ADAMTS9: variants seen among roughly 807,000 people sequenced by gnomAD.
ADAMTS9 encodes A disintegrin and metalloproteinase with thrombospondin motifs 9.
Under a neutral mutation model 257.1 loss-of-function variants are expected in ADAMTS9, and 107 were observed. That is an observed-to-expected ratio of 0.42 (90% CI 0.36 to 0.49). The LOEUF (loss-of-function observed/expected upper bound fraction) is 0.49, where lower values mean the gene tolerates loss of function less well. Among genes scored for constraint, ADAMTS9 ranks in the 20% least tolerant of loss-of-function variants. ADAMTS9 has a pLI of 0.03. For synonymous variants in ADAMTS9, 982 were observed against 880.9 expected, an observed-to-expected ratio of 1.11 and a Z score of -2.03; for missense variants, 2,353 against 2,469.1, an observed-to-expected ratio of 0.95 and a Z score of 1.00.
chr3:64,663,445 T>G (rs1191719242), intron 3 of ADAMTS9, among the ~76,000 whole-genome samples: 1 of 126,008 alleles, frequency 7.9e-6, no homozygotes, highest in East Asian at 2.2e-4. Context: ...TTTTTTTTTT[T>G]GACCACTAAG....
At chr3:64,591,037 T>A (rs1406094626) in intron 28 of ADAMTS9, among the ~76,000 whole-genome samples, 1 of 152,198 alleles carries the variant, frequency 6.6e-6, no homozygotes, top group Non-Finnish European at 1.5e-5. Context: ...TTCGATAGTA[T>A]AGAGGTCTCT....
intron 39 of ADAMTS9, among the ~76,000 whole-genome samples, chr3:64,521,042 A>G (rs893236945): frequency 1.2e-4 from 19 of 152,312 alleles, no homozygotes; most frequent in Admixed American, 2.6e-4. Context: ...TTTTTAACCT[A>G]TACATTTGAT....
rs140269259 is a variant in ADAMTS9 at position 64,546,757 on chromosome 3, C to A, written c.5064+1G>T. 1.3e-6 allele frequency: 2 copies of A among 1,594,290 alleles called. No individual in the cohort carries two copies. The highest frequency in any genetic ancestry group is 1.7e-6 in the Non-Finnish European group (2 of 1,171,320). On this transcript the variant is annotated splice_donor_variant, in intron 32 of 39. Coordinates refer to ENST00000498707, the MANE Select transcript of ADAMTS9 (RefSeq NM_182920.2). LOFTEE classifies it high-confidence loss of function. Reference sequence around the variant, plus strand: ...ATTTGAGTGCTCAGTCTTCTACTTACGCTCCCCCAGTTGCCAACTCTCCAG... The same window carrying A: ...ATTTGAGTGCTCAGTCTTCTACTTAAGCTCCCCCAGTTGCCAACTCTCCAG...
rs1186435457 is a variant in ADAMTS9, at chr3:64,607,031, T to G, written c.3403A>C (p.Ile1135Leu). 1 of 1,613,816 alleles carries G rather than the reference T, an allele frequency of 6.2e-7. No homozygotes were observed. The highest frequency in any genetic ancestry group is 8.5e-7 in the Non-Finnish European group (1 of 1,179,856). Residue 1135 changes from isoleucine (I) to leucine (L), a missense_variant, in exon 23 of 40, where the codon ATC (isoleucine) becomes CTC (leucine). Physicochemically the swap from Ile to Leu is conservative, Grantham distance 5 (BLOSUM62 2). This residue lies in a region of ADAMTS9 where 1,402 missense variants were observed against 1,441.4 expected (regional missense o/e 0.97). Transcript: ENST00000498707. ...ACCACTGACATATAAGTCCCAATGA[T>G]GCATTTCACTGCTCTTAGCTGGTAT... Reference protein sequence around the residue: ...QGYQLRAVKCIIGTYMSVVDD... With the variant: ...QGYQLRAVKCLIGTYMSVVDD...
intron 28 of ADAMTS9, among the ~76,000 whole-genome samples, chr3:64,590,840 T>A (rs2084245892): frequency 6.6e-6 from 1 of 152,106 alleles, no homozygotes; most frequent in Non-Finnish European, 1.5e-5. Flanking sequence ...GAACAAGCAA[T>A]TTCTCCTAAG....
In ADAMTS9 at chr3:64,633,496, A is replaced by G. The variant is rs752056360; in HGVS notation, c.2151T>C (p.Asp717=). 1.2e-6 allele frequency: 2 copies of G among 1,614,114 alleles called. No homozygotes were observed. The highest frequency in any genetic ancestry group is 8.5e-7 in the Non-Finnish European group (1 of 1,180,004). Residue 717 remains aspartate (D), a synonymous_variant, in exon 14 of 40, where the codon GAT becomes GAC. Transcript: ENST00000498707. ...DGTPCGQDTN[D]ICVQGLCRQA... ...CCCGGCAAAGGCCCTGGACACAGAT[A>G]TCATTTGTGTCCTGGCCACAAGGAG...
rs1036919 is a variant in ADAMTS9 at position 64,541,660 on chromosome 3, C to T, written c.5198-40G>A. The T allele has an allele frequency of 0.79, 1,247,727 of 1,580,058 alleles. 513,499 individuals are homozygous for T. Among genetic ancestry groups the T allele is most frequent in the Non-Finnish European group, 0.86 (985,331 of 1,149,544 alleles). ...TCACAAAAAATAGGGTGTGATGATCCGAGATGTGAATTATCTGCCTATAGA... is the reference window on the plus strand; with the variant it reads ...TCACAAAAAATAGGGTGTGATGATCTGAGATGTGAATTATCTGCCTATAGA... On this transcript the variant is annotated intron_variant, in intron 33 of 39. Transcript: ENST00000498707.
At chr3:64,651,246 C>T in intron 8 of ADAMTS9, 83 bp from the exon 9 acceptor site, 1 of 1,270,494 alleles carries the variant, frequency 7.9e-7, no homozygotes, top group East Asian at 2.8e-5. Flanking sequence ...ATGCAACTAT[C>T]TAAGAGAAAA....
intron 22 of ADAMTS9, among the ~76,000 whole-genome samples, chr3:64,612,558 T>C (rs957036022): frequency 1.3e-5 from 2 of 152,140 alleles, no homozygotes; most frequent in African/African-American, 2.4e-5. Context: ...GAAATGAAGA[T>C]AGAGGCTAAA....
At chr3:64,556,865 T>G (rs2083344702) in intron 30 of ADAMTS9, among the ~76,000 whole-genome samples, 1 of 152,060 alleles carries the variant, frequency 6.6e-6, no homozygotes, top group South Asian at 2.1e-4. Flanking sequence ...TTATTTTGTT[T>G]CCTTCATTCA....
At chr3:64,519,886 G>A (rs1165588420) in intron 39 of ADAMTS9, among the ~76,000 whole-genome samples, 1 of 152,072 alleles carries the variant, frequency 6.6e-6, no homozygotes, top group African/African-American at 2.4e-5. Flanking sequence ...ATGGGAACAA[G>A]ACAAGAATGT....
At chr3:64,683,066 G>T (rs1701798897) in intron 2 of ADAMTS9, among the ~76,000 whole-genome samples, 1 of 152,202 alleles carries the variant, frequency 6.6e-6, no homozygotes, top group Non-Finnish European at 1.5e-5. Context: ...AAGAGACAGA[G>T]TAGCTAGTTG....
intron 22 of ADAMTS9, among the ~76,000 whole-genome samples, chr3:64,607,907 C>T (rs964647560): frequency 1.3e-5 from 2 of 152,058 alleles, no homozygotes; most frequent in Non-Finnish European, 2.9e-5. Context: ...CAAAACAAGT[C>T]TCAATATGTT....
Position 64,636,872 on chromosome 3 carries a change from T to C in ADAMTS9, c.1857-2993A>G, listed in dbSNP as rs73122301. Among the ~76,000 whole-genome samples the C allele has an allele frequency of 3.1e-3, 476 of 152,292 alleles. 2 individuals carry two copies. The highest frequency in any genetic ancestry group is 0.019 in the South Asian group (90 of 4,826). ...TAAAGTATTTACTATTTGGCCCTGA[T>C]GGAAAAGGTTTCCTGATCCCTGGAC... is the stretch of plus-strand genomic sequence containing the variant. On this transcript the variant is annotated intron_variant, in intron 12 of 39. Coordinates refer to ENST00000498707, the MANE Select transcript of ADAMTS9 (RefSeq NM_182920.2).
chr3:64,629,727 A>AT lies in ADAMTS9; in HGVS notation c.2389+1727dup, dbSNP rs534539702. On this transcript the variant is annotated intron_variant, in intron 16 of 39. Transcript: ENST00000498707. The stretch of plus-strand genomic sequence containing the variant: ...AAAAGTAACGTCCAAGAAGACACAA[A>AT]TTTTTTTTTATCTGTTTTGTTCATT... Among the ~76,000 whole-genome samples the AT allele has an allele frequency of 7.5e-3, 1,135 of 152,054 alleles. 14 individuals carry two copies. The highest frequency in any genetic ancestry group is 0.041 in the South Asian group (198 of 4,806).
chr3:64,576,647 A>G (rs999561944), intron 28 of ADAMTS9, among the ~76,000 whole-genome samples: 6 of 152,190 alleles, frequency 3.9e-5, no homozygotes, highest in Non-Finnish European at 5.9e-5. Flanking sequence ...AGAGCGCCTG[A>G]GATTGGCAGG....
chr3:64,636,227 A>C (rs1261972122), intron 12 of ADAMTS9, among the ~76,000 whole-genome samples: 1 of 152,090 alleles, frequency 6.6e-6, no homozygotes. Context: ...GCTTGCTTTG[A>C]CCACTATAAC....
chr3:64,641,235 T>A (rs1362629424), intron 12 of ADAMTS9, among the ~76,000 whole-genome samples: 1 of 130,360 alleles, frequency 7.7e-6, no homozygotes, highest in Non-Finnish European at 1.6e-5. Context: ...GTCACTCCAT[T>A]AGTGTGCTAT....
intron 10 of ADAMTS9, among the ~76,000 whole-genome samples, chr3:64,649,235 G>A (rs1466054775): frequency 6.6e-6 from 1 of 152,126 alleles, no homozygotes; most frequent in Non-Finnish European, 1.5e-5. Flanking sequence ...TCATGAATTA[G>A]CTCTTCTGAA....
Sources: allele counts gnomAD v4.1 joint callset (sites outside exome capture counted in the v4.1 genomes callset), GRCh38; gene constraint gnomAD v4.1.1; regional missense constraint gnomAD v4.1.1; transcripts MANE v1.5; gene names NCBI Gene and HGNC (gene_info 2026-07-23, HGNC 2026-07-21).